CSMD1: variants seen among roughly 807,000 people sequenced by gnomAD.
CSMD1 encodes CUB and Sushi multiple domains 1.
A neutral mutation model predicts 417.5 loss-of-function variants in CSMD1; 213 were observed. The observed-to-expected ratio is 0.51, with a 90% CI of 0.46 to 0.57. The LOEUF is 0.57. Ranked by LOEUF, CSMD1 falls within the 20% of genes least tolerant of loss-of-function variation. CSMD1 has a pLI of 0.00. For synonymous variants in CSMD1, 2,862 were observed against 1,736.8 expected (o/e 1.65, Z -16.11); for missense variants, 6,923 against 4,529.7 (o/e 1.53, Z -15.17).
At chr8:3,041,476 TC>T (rs1811096656) in intron 50 of CSMD1, among the ~76,000 whole-genome samples, 1 of 152,236 alleles carries the variant, frequency 6.6e-6, no homozygotes, top group South Asian at 2.1e-4. Flanking sequence ...TTAAATTTTT[TC>T]TAGGCGTAAT....
chr8:3,018,918 A>G (rs1016292654), intron 51 of CSMD1, among the ~76,000 whole-genome samples: 4 of 151,956 alleles, frequency 2.6e-5, no homozygotes, highest in African/African-American at 9.7e-5. Context: ...TTACCCATTA[A>G]CTTTTGTTGT....
At position 3,396,206 on chromosome 8, in the gene CSMD1, T is replaced by G; in HGVS notation, c.2581A>C (p.Ile861Leu). 6.4e-7 allele frequency: 1 copy of G among 1,561,466 alleles called. No individual in the cohort carries two copies. The highest frequency in any genetic ancestry group is 1.4e-5 in the African/African-American group (1 of 73,734). The change falls in exon 17 of 70, where the codon ATC (isoleucine) becomes CTC (leucine). Residue 861 changes from isoleucine (I) to leucine (L), a missense_variant. Physicochemically the swap from Ile to Leu is conservative, Grantham distance 5. Coordinates refer to ENST00000635120, the MANE Select transcript of CSMD1 (RefSeq NM_033225.6). ...AGGTGCAACTCACTCTCATAGTGGA[T>G]GAGGAAGCCGATGCTGGAGCGGCTG... ...DNSRSSIGFL[I>L]HYESVTLESD...
At chr8:4,359,334 A>G (rs1801618422) in intron 3 of CSMD1, among the ~76,000 whole-genome samples, 1 of 152,244 alleles carries the variant, frequency 6.6e-6, no homozygotes, top group African/African-American at 2.4e-5. Context: ...CCAAATAGGT[A>G]CAACATATCT....
chr8:3,302,352 C>A (rs1280304437), intron 25 of CSMD1, among the ~76,000 whole-genome samples: 1 of 152,112 alleles, frequency 6.6e-6, no homozygotes, highest in African/African-American at 2.4e-5. Context: ...GCATCTCCTC[C>A]CTTACACTCC....
chr8:4,650,153 G>C lies in CSMD1; in HGVS notation c.86-12595C>G, dbSNP rs550980346. Among the ~76,000 whole-genome samples the C allele has an allele frequency of 1.3e-4, 20 of 152,082 alleles. No homozygotes were observed. The South Asian group carries it at 4.2e-3, about 32-fold the overall frequency. On this transcript the variant is annotated intron_variant, in intron 1 of 69. Transcript: ENST00000635120. Reference sequence around the variant, plus strand: ...GAGGTCAGGAGATCGAGACCATCCTGGCTAACACGGTGAAACCCCGTCTCT... The same window carrying C: ...GAGGTCAGGAGATCGAGACCATCCTCGCTAACACGGTGAAACCCCGTCTCT...
chr8:3,271,708 T>G (rs1373902483), intron 26 of CSMD1, among the ~76,000 whole-genome samples: 1 of 152,224 alleles, frequency 6.6e-6, no homozygotes, highest in Non-Finnish European at 1.5e-5. Flanking sequence ...TCATGTGTTT[T>G]TTGGCTGCAT....
intron 3 of CSMD1, among the ~76,000 whole-genome samples, chr8:4,357,210 G>C (rs150167910): frequency 6.6e-6 from 1 of 152,120 alleles, no homozygotes; most frequent in Admixed American, 6.5e-5. Flanking sequence ...GTAGCTAAGG[G>C]TTTTCAGTTG....
chr8:3,848,150 T>A (rs1224797687), intron 5 of CSMD1, among the ~76,000 whole-genome samples: 2 of 152,140 alleles, frequency 1.3e-5, no homozygotes, highest in African/African-American at 2.4e-5. Context: ...CTGCTGTATG[T>A]GGTGGATGAG....
chr8:3,191,763 C>A (rs1796438974), intron 33 of CSMD1, among the ~76,000 whole-genome samples: 1 of 152,192 alleles, frequency 6.6e-6, no homozygotes, highest in African/African-American at 2.4e-5. Flanking sequence ...AGGTCCATCA[C>A]ACTAGGCAAA....
At chr8:3,646,811 T>C (rs1178438659) in intron 7 of CSMD1, among the ~76,000 whole-genome samples, 1 of 152,092 alleles carries the variant, frequency 6.6e-6, no homozygotes, top group Non-Finnish European at 1.5e-5. Context: ...AGCCCTGTCT[T>C]GCTTCCCCTG....
At chr8:4,143,193 A>G (rs1803897246) in intron 3 of CSMD1, among the ~76,000 whole-genome samples, 1 of 151,122 alleles carries the variant, frequency 6.6e-6, no homozygotes, top group Admixed American at 6.6e-5. Context: ...AAGTGCTGAG[A>G]ATGTTTCCCT....
chr8:3,359,662 T>C (rs553536484), intron 20 of CSMD1, among the ~76,000 whole-genome samples: 53 of 152,104 alleles, frequency 3.5e-4, no homozygotes, highest in African/African-American at 1.2e-3. Context: ...TTAGAAGGAA[T>C]ATGTTCTAAT....
intron 1 of CSMD1, among the ~76,000 whole-genome samples, chr8:4,726,144 T>C (rs542661208): frequency 2.0e-5 from 3 of 152,042 alleles, no homozygotes; most frequent in Non-Finnish European, 4.4e-5. Flanking sequence ...GGCGAGCCAT[T>C]TGCATCCAGA....
intron 7 of CSMD1, among the ~76,000 whole-genome samples, chr8:3,680,265 A>C (rs1799581283): frequency 6.6e-6 from 1 of 152,166 alleles, no homozygotes; most frequent in East Asian, 1.9e-4. Context: ...TTTTGAAAAG[A>C]TCAACAAAAT....
At chr8:4,948,846 G>C (rs887330969) in intron 1 of CSMD1, among the ~76,000 whole-genome samples, 4 of 152,026 alleles carry the variant, frequency 2.6e-5, no homozygotes, top group African/African-American at 7.2e-5. Context: ...TTTTAGAAAA[G>C]GTTATGGTGT....
intron 1 of CSMD1, among the ~76,000 whole-genome samples, chr8:4,645,097 A>G (rs1366397060): frequency 6.6e-6 from 1 of 152,184 alleles, no homozygotes; most frequent in East Asian, 1.9e-4. Flanking sequence ...AACCCTGTTC[A>G]GCAGCCTGAT....
intron 10 of CSMD1, among the ~76,000 whole-genome samples, chr8:3,568,593 A>T (rs914159509): frequency 1.3e-5 from 2 of 152,172 alleles, no homozygotes; most frequent in Non-Finnish European, 2.9e-5. Flanking sequence ...ATGTGTGTGT[A>T]TATCAATGTA....
intron 5 of CSMD1, 113 bp downstream of exon 5, chr8:3,997,790 A>T: frequency 1.1e-6 from 1 of 911,520 alleles, no homozygotes. Flanking sequence ...GAAAAAAGGA[A>T]CACACATGCT....
At chr8:4,849,954 C>G (rs1401555830) in intron 1 of CSMD1, among the ~76,000 whole-genome samples, 2 of 152,186 alleles carry the variant, frequency 1.3e-5, no homozygotes, top group Non-Finnish European at 2.9e-5. Context: ...TTACCAGACT[C>G]TTTGCTAATG....
Sources: gnomAD v4.1 joint callset for allele counts (sites outside exome capture counted in the v4.1 genomes callset) on GRCh38, gnomAD v4.1.1 for gene constraint, MANE v1.5 for transcripts, NCBI Gene and HGNC (gene_info 2026-07-23, HGNC 2026-07-21) for gene names.